ZMAT4: variants seen among roughly 807,000 people sequenced by gnomAD.
The protein encoded by ZMAT4 is zinc finger matrin-type 4, also known as zinc finger matrin-type protein 4.
A neutral mutation model predicts 28.7 loss-of-function variants in ZMAT4; 17 were observed. The observed-to-expected ratio is 0.59, with a 90% CI of 0.41 to 0.89. The LOEUF (loss-of-function observed/expected upper bound fraction) is 0.89, where lower values mean the gene tolerates loss of function less well. ZMAT4 is among the 40% of genes least tolerant of loss of function. The pLI is 0.00. For missense variants in ZMAT4, 240 were observed against 283.8 expected (o/e 0.85, Z 1.11); for synonymous variants, 117 against 109.2 (o/e 1.07, Z -0.44).
intron 5 of ZMAT4, among the ~76,000 whole-genome samples, chr8:40,643,897 A>G (rs1236685148): frequency 1.3e-5 from 2 of 152,134 alleles, no homozygotes; most frequent in African/African-American, 2.4e-5. Flanking sequence ...ACCAAGGTTG[A>G]TAATTTTTAA....
intron 4 of ZMAT4, among the ~76,000 whole-genome samples, chr8:40,688,552 C>CA (rs1809522395): frequency 6.6e-6 from 1 of 151,982 alleles, no homozygotes; most frequent in Admixed American, 6.6e-5. Context: ...TCAAGATGGC[C>CA]AAAATACACT....
At chr8:40,737,399 A>C (rs879204745) in intron 3 of ZMAT4, among the ~76,000 whole-genome samples, 1 of 152,174 alleles carries the variant, frequency 6.6e-6, no homozygotes, top group Admixed American at 6.5e-5. Flanking sequence ...AAAGAAGAGC[A>C]ATGGAAGGCA....
intron 5 of ZMAT4, among the ~76,000 whole-genome samples, chr8:40,585,857 GTCT>G (rs1804655909): frequency 1.3e-5 from 2 of 152,072 alleles, no homozygotes; most frequent in African/African-American, 2.4e-5. Flanking sequence ...ATTTATATGG[GTCT>G]TCTTCAGGCT....
chr8:40,608,509 G>A (rs1388360292), intron 5 of ZMAT4, among the ~76,000 whole-genome samples: 1 of 152,128 alleles, frequency 6.6e-6, no homozygotes, highest in South Asian at 2.1e-4. Context: ...TCCCTGCTGA[G>A]AAAGCAGGTG....
intron 1 of ZMAT4, among the ~76,000 whole-genome samples, chr8:40,875,125 C>T (rs1412931244): frequency 2.6e-5 from 4 of 152,192 alleles, no homozygotes. Context: ...AAGCTAGATG[C>T]TTGCCTCTCT....
intron 5 of ZMAT4, among the ~76,000 whole-genome samples, chr8:40,627,305 C>A (rs1007700914): frequency 6.6e-6 from 1 of 152,056 alleles, no homozygotes; most frequent in Non-Finnish European, 1.5e-5. Flanking sequence ...CATTTTAGAA[C>A]CAAATATATC....
intron 6 of ZMAT4, among the ~76,000 whole-genome samples, chr8:40,576,823 A>G (rs1033782292): frequency 1.3e-5 from 2 of 152,158 alleles, no homozygotes; most frequent in African/African-American, 4.8e-5. Flanking sequence ...TAAATCCAAA[A>G]CCTAAAAATA....
Position 40,613,698 on chromosome 8 carries a change from C to A in ZMAT4, c.578-32437G>T, listed in dbSNP as rs67654503. ...CTGCTTCATGGACTTAATGACACCA[C>A]CAGAGGACAGTAAGTCACTTGCCCT... On this transcript the variant is annotated intron_variant, in intron 5 of 6. Transcript: ENST00000297737. 5.1e-3 allele frequency among the ~76,000 whole-genome samples: 775 copies of A among 152,272 alleles called. 5 individuals are homozygous for A. Among genetic ancestry groups the A allele is most frequent in the Non-Finnish European group, 8.2e-3 (561 of 68,026 alleles).
chr8:40,875,093 G>A (rs1817992962), intron 1 of ZMAT4, among the ~76,000 whole-genome samples: 1 of 152,186 alleles, frequency 6.6e-6, no homozygotes, highest in African/African-American at 2.4e-5. Flanking sequence ...ATCTGGAGAA[G>A]GCATTCAGAC....
chr8:40,732,570 G>C (rs1267931939), intron 3 of ZMAT4, among the ~76,000 whole-genome samples: 2 of 152,232 alleles, frequency 1.3e-5, no homozygotes, highest in Non-Finnish European at 2.9e-5. Flanking sequence ...CAGAGTGGCA[G>C]CTAAATTACC....
intron 2 of ZMAT4, among the ~76,000 whole-genome samples, chr8:40,799,407 A>G (rs1379487759): frequency 1.3e-5 from 2 of 152,156 alleles, no homozygotes; most frequent in Non-Finnish European, 2.9e-5. Context: ...ATATGTGTAG[A>G]CAGAGACAGA....
chr8:40,608,039 G>C, intron 5 of ZMAT4, among the ~76,000 whole-genome samples: 1 of 152,258 alleles, frequency 6.6e-6, no homozygotes, highest in South Asian at 2.1e-4. Flanking sequence ...TTTCAAGAGA[G>C]CATCAGTTGT....
intron 5 of ZMAT4, among the ~76,000 whole-genome samples, chr8:40,601,474 A>AAAGAAAGAAAGAAAG (rs1805321305): frequency 1.5e-5 from 1 of 67,350 alleles, no homozygotes; most frequent in Non-Finnish European, 3.8e-5. Flanking sequence ...GAAAGGAAAG[A>AAAGAAAGAAAGAAAG]AAGAAAGAAA....
At chr8:40,542,330 G>A (rs1292165950) in intron 6 of ZMAT4, among the ~76,000 whole-genome samples, 2 of 152,058 alleles carry the variant, frequency 1.3e-5, no homozygotes, top group African/African-American at 4.8e-5. Flanking sequence ...CCTATGAGCG[G>A]TAGAAAAAGC....
chr8:40,758,186 A>G (rs1003983454), intron 3 of ZMAT4, among the ~76,000 whole-genome samples: 1 of 152,108 alleles, frequency 6.6e-6, no homozygotes, highest in Admixed American at 6.5e-5. Context: ...CTGTTTATAT[A>G]TACATCTATC....
intron 1 of ZMAT4, among the ~76,000 whole-genome samples, chr8:40,843,814 G>A (rs2150628822): frequency 6.6e-6 from 1 of 152,354 alleles, no homozygotes; most frequent in Admixed American, 6.5e-5. Flanking sequence ...TCAGAGAAAT[G>A]AAAATCAGTT....
At chr8:40,770,197 G>A (rs1332705365) in intron 2 of ZMAT4, among the ~76,000 whole-genome samples, 1 of 152,110 alleles carries the variant, frequency 6.6e-6, no homozygotes, top group Non-Finnish European at 1.5e-5. Context: ...CCTGGGCACC[G>A]TTTTTCCCTC....
intron 2 of ZMAT4, among the ~76,000 whole-genome samples, chr8:40,811,297 T>A (rs68186711): frequency 6.6e-6 from 1 of 152,048 alleles, no homozygotes; most frequent in Admixed American, 6.6e-5. Flanking sequence ...CGAGTGGATC[T>A]TCACAACTGT....
intron 5 of ZMAT4, among the ~76,000 whole-genome samples, chr8:40,589,142 A>AT (rs1328390337): frequency 2.0e-5 from 3 of 152,216 alleles, no homozygotes; most frequent in Non-Finnish European, 4.4e-5. Flanking sequence ...TGCCATATAT[A>AT]AGCACTGATG....
Sources: allele counts gnomAD v4.1 joint callset (sites outside exome capture counted in the v4.1 genomes callset), GRCh38; gene constraint gnomAD v4.1.1; transcripts MANE v1.5; gene names NCBI Gene and HGNC (gene_info 2026-07-23, HGNC 2026-07-21).